The following STRA6 variants were observed in gnomAD, a reference collection of about 807,000 sequenced individuals.
STRA6 encodes the protein receptor for retinol uptake STRA6.
STRA6 carries 48 observed loss-of-function variants against 83.6 expected under a neutral mutation model. That is an observed-to-expected ratio of 0.57 (90% CI 0.46 to 0.73). The LOEUF is 0.73. Ranked by LOEUF, STRA6 falls within the 30% of genes least tolerant of loss-of-function variation. STRA6 has a pLI of 0.00. For synonymous variants in STRA6, 353 were observed against 362.3 expected, an observed-to-expected ratio of 0.97 and a Z score of 0.29; for missense variants, 760 against 838.8, an observed-to-expected ratio of 0.91 and a Z score of 1.16.
upstream of STRA6, chr15:74,202,871 T>C (rs984426368): frequency 1.7e-5 from 17 of 1,019,090 alleles, no homozygotes; most frequent in Non-Finnish European, 1.9e-5. Flanking sequence ...GCCTCGGTGA[T>C]GGAAATACAC....
At chr15:74,196,787 C>A (rs983881163) in intron 4 of STRA6, among the ~76,000 whole-genome samples, 2 of 152,226 alleles carry the variant, frequency 1.3e-5, no homozygotes, top group Non-Finnish European at 2.9e-5. Context: ...GCTGTCTACA[C>A]CAAGGAGCCA....
chr15:74,189,096 G>A lies in STRA6; in HGVS notation c.1090+19C>T. The A allele has an allele frequency of 6.2e-7, 1 of 1,613,696 alleles. No homozygotes were observed. The highest frequency in any genetic ancestry group is 8.5e-7 in the Non-Finnish European group (1 of 1,179,924). ...TTCATTCCCCACTGCAGCCCTCAGG[G>A]GCTCCCTGGAGGCCTCACCTTCCAG... is the stretch of plus-strand genomic sequence containing the variant. On this transcript the variant is annotated intron_variant, in intron 12 of 18. Coordinates refer to ENST00000395105, the MANE Select transcript of STRA6 (RefSeq NM_022369.4).
chr15:74,196,338 G>T (rs771210008), intron 4 of STRA6, 191 bp from the exon 5 acceptor site: 2 of 891,480 alleles, frequency 2.2e-6, no homozygotes, highest in Admixed American at 2.3e-5. Context: ...TCTGGGCCCC[G>T]TGCCAAAGGG....
At position 74,179,871 on chromosome 15, in the gene STRA6, C is replaced by G. The variant is rs886051471; in HGVS notation, c.*209G>C. The G allele has an allele frequency of 2.5e-5, 16 of 635,356 alleles. No individual in the cohort carries two copies. Among genetic ancestry groups the G allele is most frequent in the African/African-American group, 2.2e-4 (12 of 54,434 alleles). 39.4% of individuals were successfully genotyped at this position (635,356 alleles called of 1,614,324 possible). On this transcript the variant is annotated 3_prime_UTR_variant, in exon 19 of 19. Transcript: ENST00000395105. ...ACCCACCAGTTTCTTTCTCCAGAAC[C>G]CCTGCTGGCTCTCCCATAGCCAAGT...
At chr15:74,186,923 G>T (rs1201100507) in intron 12 of STRA6, among the ~76,000 whole-genome samples, 2 of 152,244 alleles carry the variant, frequency 1.3e-5, no homozygotes, top group African/African-American at 4.8e-5. Context: ...GGCTAAAAAT[G>T]ATGCTACAGA....
chr15:74,192,150 A>T (rs1329216694), intron 8 of STRA6: 1 of 158,860 alleles, frequency 6.3e-6, no homozygotes, highest in Non-Finnish European at 1.4e-5. Context: ...GTCCTTTGAG[A>T]CTTAAACCTC....
intron 13 of STRA6, among the ~76,000 whole-genome samples, chr15:74,184,680 T>C (rs1242370221): frequency 6.6e-6 from 1 of 152,138 alleles, no homozygotes; most frequent in African/African-American, 2.4e-5. Flanking sequence ...CCACCTTCCC[T>C]CTCATCCAGC....
At chr15:74,182,782 T>C (rs1366921727) in intron 14 of STRA6, 3 of 366,944 alleles carry the variant, frequency 8.2e-6, no homozygotes, top group Non-Finnish European at 1.0e-5. Context: ...TTTGAGTTAC[T>C]GGGGGATAAG....
intron 1 of STRA6, chr15:74,207,963 C>A (rs1306114407): frequency 1.8e-5 from 26 of 1,436,852 alleles, no homozygotes; most frequent in Admixed American, 5.0e-5. Flanking sequence ...TACCTCCTAC[C>A]TCCCCTGCCA....
chr15:74,207,883 G>A, intron 1 of STRA6: 1 of 1,507,280 alleles, frequency 6.6e-7, no homozygotes, highest in South Asian at 1.2e-5. Flanking sequence ...CAGTGGGCTG[G>A]AAGGCAGTGT....
chr15:74,202,203 C>T lies in STRA6; in HGVS notation c.65G>A (p.Ser22Asn), dbSNP rs141451232. The change falls in exon 2 of 19, where the codon AGC (serine) becomes AAC (asparagine). Residue 22 changes from serine (S) to asparagine (N), a missense_variant. By Grantham distance (46) the Ser-to-Asn change is conservative. Coordinates refer to ENST00000395105, the MANE Select transcript of STRA6 (RefSeq NM_022369.4). ...PGATEDYSYG[S>N]WYIDEPQGGE... ...CCCCTGGGGCTCATCGATGTACCAG[C>T]TGCCATAGGAGTAGTCCTCTGTGGC... 6.6e-7 allele frequency: 1 copy of T among 1,520,562 alleles called. No individual in the cohort carries two copies. Among genetic ancestry groups the T allele is most frequent in the African/African-American group, 1.4e-5 (1 of 71,650 alleles). 94.2% of individuals were successfully genotyped at this position (1,520,562 alleles called of 1,614,324 possible).
At chr15:74,203,529 C>T (rs914936186), upstream of STRA6, among the ~76,000 whole-genome samples, 1 of 152,266 alleles carries the variant, frequency 6.6e-6, no homozygotes, top group Non-Finnish European at 1.5e-5. Context: ...GGTCTCTGTC[C>T]TTCCAATACC....
Position 74,179,665 on chromosome 15 carries a change from G to C in STRA6, c.*415C>G, listed in dbSNP as rs2072881415. On this transcript the variant is annotated 3_prime_UTR_variant, in exon 19 of 19. Coordinates refer to ENST00000395105, the MANE Select transcript of STRA6 (RefSeq NM_022369.4). ...TCCCCAGAGAGGTCCGTGGCGCTGAGGGGGTGAGGAAGTGCCTTGGCTGCT... is the reference window on the plus strand; with the variant it reads ...TCCCCAGAGAGGTCCGTGGCGCTGACGGGGTGAGGAAGTGCCTTGGCTGCT... The C allele has an allele frequency of 5.5e-6, 1 of 181,678 alleles. No individual in the cohort carries two copies. Among genetic ancestry groups the C allele is most frequent in the African/African-American group, 2.4e-5 (1 of 42,526 alleles). The allele number at this position is 181,678 out of a possible 1,614,324, so 11.3% of individuals were successfully genotyped here.
At chr15:74,191,034 G>T in intron 10 of STRA6, 133 bp from the exon 11 acceptor site, 2 of 1,566,640 alleles carry the variant, frequency 1.3e-6, no homozygotes, top group Non-Finnish European at 1.7e-6. Flanking sequence ...TCTTCCCGCT[G>T]TCCCAAGCTG....
chr15:74,195,647 G>C lies in STRA6; in HGVS notation c.430+5C>G, dbSNP rs766535584. On this transcript the variant is annotated splice_donor_5th_base_variant and intron_variant, in intron 6 of 18. Coordinates refer to ENST00000395105, the MANE Select transcript of STRA6 (RefSeq NM_022369.4). ...GTCTCAACTCTGTGATCTTGGGCAAGTTACCTCTTGGAGCCTCAGTTTTCC... is the reference window on the plus strand; with the variant it reads ...GTCTCAACTCTGTGATCTTGGGCAACTTACCTCTTGGAGCCTCAGTTTTCC... 6.6e-7 allele frequency: 1 copy of C among 1,514,974 alleles called. No individual in the cohort carries two copies. The highest frequency in any genetic ancestry group is 9.0e-7 in the Non-Finnish European group (1 of 1,113,458). 93.8% of individuals were successfully genotyped at this position (1,514,974 alleles called of 1,614,324 possible).
intron 7 of STRA6, chr15:74,194,742 G>GGTGA (rs569206557): frequency 1.7e-5 from 21 of 1,238,660 alleles, no homozygotes; most frequent in Non-Finnish European, 1.3e-5. Context: ...TGAATGAATG[G>GGTGA]GTGAGTGAAT....
intron 4 of STRA6, 200 bp from the exon 5 acceptor site, chr15:74,196,347 G>A: frequency 1.2e-5 from 10 of 809,294 alleles, no homozygotes; most frequent in Non-Finnish European, 1.9e-5. Flanking sequence ...CGTGCCAAAG[G>A]GACTTGGGAC....
intron 7 of STRA6, chr15:74,195,011 G>T (rs999116133): frequency 7.0e-7 from 1 of 1,434,202 alleles, no homozygotes; most frequent in Non-Finnish European, 9.1e-7. Flanking sequence ...ACAGGCATTG[G>T]GGGTGGGGGC....
chr15:74,211,810 G>A (rs1051570224), upstream of STRA6, among the ~76,000 whole-genome samples: 4 of 151,984 alleles, frequency 2.6e-5, no homozygotes, highest in Admixed American at 1.3e-4. Context: ...CCCTCTCTGT[G>A]TCTGACTCAG....
Sources: allele counts gnomAD v4.1 joint callset (sites outside exome capture counted in the v4.1 genomes callset), GRCh38; gene constraint gnomAD v4.1.1; transcripts MANE v1.5; gene names NCBI Gene and HGNC (gene_info 2026-07-23, HGNC 2026-07-21).